Variants in PRDM1 observed in about 807,000 individuals in gnomAD.
The protein encoded by PRDM1 is PR domain zinc finger protein 1.
PRDM1 carries 13 observed loss-of-function variants against 62.8 expected under a neutral mutation model. The ratio of observed to expected loss-of-function variants is 0.21; its 90% CI spans 0.13 to 0.33. The LOEUF (loss-of-function observed/expected upper bound fraction) is 0.33. PRDM1 is among the 10% of genes least tolerant of loss of function. PRDM1 has a pLI of 1.00. For missense variants in PRDM1, 895 were observed against 1,058.8 expected, an observed-to-expected ratio of 0.85 and a Z score of 2.15; for synonymous variants, 396 against 417.6, an observed-to-expected ratio of 0.95 and a Z score of 0.63.
At chr6:106,099,060 G>C (rs751009580) in intron 3 of PRDM1, 1 of 1,613,798 alleles carries the variant, frequency 6.2e-7, no homozygotes, top group African/African-American at 1.3e-5. Context: ...TTATTTTCCC[G>C]AACATGAAAA....
At chr6:106,012,948 G>A (rs572289251) in intron 1 of PRDM1, among the ~76,000 whole-genome samples, 1 of 152,334 alleles carries the variant, frequency 6.6e-6, no homozygotes, top group South Asian at 2.1e-4. Flanking sequence ...GTCTCATTCT[G>A]TCGCCCAGGC....
At chr6:106,025,258 T>A (rs1031717531) in intron 1 of PRDM1, among the ~76,000 whole-genome samples, 13 of 152,336 alleles carry the variant, frequency 8.5e-5, no homozygotes, top group African/African-American at 3.1e-4. Flanking sequence ...AAAATTGTTC[T>A]TGTGTAATTT....
At chr6:106,005,183 C>T (rs1772469094) in intron 1 of PRDM1, among the ~76,000 whole-genome samples, 2 of 152,180 alleles carry the variant, frequency 1.3e-5, no homozygotes, top group South Asian at 4.1e-4. Context: ...TGATGGAAGG[C>T]TGAAGAATGT....
chr6:105,999,697 A>G (rs189959738), intron 1 of PRDM1, among the ~76,000 whole-genome samples: 121 of 152,316 alleles, frequency 7.9e-4, no homozygotes, highest in African/African-American at 2.8e-3. Context: ...CAACAAGCTC[A>G]TGTAACCTTT....
intron 3 of PRDM1, 165 bp from the exon 4 acceptor site, chr6:106,099,135 T>G (rs201024755): frequency 1.2e-6 from 2 of 1,610,442 alleles, no homozygotes; most frequent in Non-Finnish European, 1.7e-6. Flanking sequence ...CCGCCCTGAT[T>G]TCTGCTGATT....
upstream of PRDM1, among the ~76,000 whole-genome samples, chr6:106,083,257 T>TGG (rs577536059): frequency 1.2e-5 from 1 of 80,224 alleles, no homozygotes; most frequent in African/African-American, 5.0e-5. Context: ...AAGAAGAGGG[T>TGG]GGGGGGGTTA....
intron 1 of PRDM1, among the ~76,000 whole-genome samples, chr6:106,081,042 C>T (rs1773686204): frequency 6.6e-6 from 1 of 152,322 alleles, no homozygotes; most frequent in South Asian, 2.1e-4. Flanking sequence ...CCAGCTTTTC[C>T]TTAGTCAACA....
intron 1 of PRDM1, among the ~76,000 whole-genome samples, chr6:106,039,792 A>G (rs1162872419): frequency 6.6e-6 from 1 of 152,232 alleles, no homozygotes; most frequent in Non-Finnish European, 1.5e-5. Context: ...ATCTATTGTC[A>G]TATAATATTA....
rs5878868 is a variant in PRDM1 at position 106,108,521 on chromosome 6, C to CTTTTTTTT, written c.*1049_*1056dup. 52 of 145,692 alleles carry CTTTTTTTT rather than the reference C, an allele frequency of 3.6e-4. 1 individual carries two copies. The highest frequency in any genetic ancestry group is 7.6e-4 in the African/African-American group (18 of 23,796). 9.0% of individuals were successfully genotyped at this position (145,692 alleles called of 1,614,324 possible). A position where few individuals can be genotyped will look rare whatever the true frequency, so the allele number is the denominator to read the frequency against. ...GGTGTTTTGTTGTTGGTTTTTGTTG[C>CTTTTTTTT]TTTTTTTTTTTTTTTTTTTTTAATG... On this transcript the variant is annotated 3_prime_UTR_variant, in exon 7 of 7. Coordinates refer to ENST00000369096, the MANE Select transcript of PRDM1 (RefSeq NM_001198.4).
At chr6:106,042,654 C>G (rs1773020283) in intron 1 of PRDM1, among the ~76,000 whole-genome samples, 1 of 152,150 alleles carries the variant, frequency 6.6e-6, no homozygotes, top group Admixed American at 6.5e-5. Context: ...AAAACCTGGT[C>G]TTCTGGAGAC....
chr6:106,055,568 T>C (rs1773250697), intron 1 of PRDM1, among the ~76,000 whole-genome samples: 2 of 152,196 alleles, frequency 1.3e-5, no homozygotes, highest in Non-Finnish European at 2.9e-5. Flanking sequence ...GCCTGCAGAT[T>C]AGATTATCAG....
chr6:106,060,566 A>G (rs1773330676), intron 1 of PRDM1, among the ~76,000 whole-genome samples: 1 of 152,162 alleles, frequency 6.6e-6, no homozygotes, highest in African/African-American at 2.4e-5. Flanking sequence ...ACAAGGAAGG[A>G]TGGATCATAG....
chr6:106,009,703 G>T (rs949853986), intron 1 of PRDM1, among the ~76,000 whole-genome samples: 5 of 152,104 alleles, frequency 3.3e-5, no homozygotes, highest in Non-Finnish European at 5.9e-5. Flanking sequence ...TGAGTGTGAT[G>T]TGATTATCTT....
intron 1 of PRDM1, among the ~76,000 whole-genome samples, chr6:106,022,349 T>G (rs983505447): frequency 1.5e-4 from 23 of 152,048 alleles, no homozygotes; most frequent in African/African-American, 5.3e-4. Flanking sequence ...CTCCAATTCC[T>G]GGGCTTAGGT....
chr6:106,063,117 C>T (rs1245324749), intron 1 of PRDM1, among the ~76,000 whole-genome samples: 1 of 152,124 alleles, frequency 6.6e-6, no homozygotes, highest in Non-Finnish European at 1.5e-5. Flanking sequence ...CTTCAGGTCA[C>T]GCGAAGGTCA....
chr6:106,061,358 G>A (rs1390985892), intron 1 of PRDM1, among the ~76,000 whole-genome samples: 2 of 145,152 alleles, frequency 1.4e-5, no homozygotes, highest in Admixed American at 1.4e-4. Flanking sequence ...GTGCCTTCCA[G>A]CAGTTCAGCA....
intron 4 of PRDM1, among the ~76,000 whole-genome samples, chr6:106,104,205 G>GTTTTTTTTTTTTTTTTTT (rs11317538): frequency 7.1e-6 from 1 of 141,844 alleles, no homozygotes; most frequent in Non-Finnish European, 1.5e-5. Context: ...TAAAATGGAA[G>GTTTTTTTTTTTTTTTTTT]TTTTTTTTTT....
At chr6:106,024,500 A>C (rs570488732) in intron 1 of PRDM1, among the ~76,000 whole-genome samples, 1 of 152,350 alleles carries the variant, frequency 6.6e-6, no homozygotes, top group South Asian at 2.1e-4. Flanking sequence ...CTTGTCTCAG[A>C]CATCTCTTCT....
At chr6:106,054,582 A>T (rs561144664) in intron 1 of PRDM1, among the ~76,000 whole-genome samples, 7 of 152,216 alleles carry the variant, frequency 4.6e-5, no homozygotes, top group Non-Finnish European at 8.8e-5. Flanking sequence ...TTTGTGCTTT[A>T]CAAATGAATT....
Sources: allele counts gnomAD v4.1 joint callset (sites outside exome capture counted in the v4.1 genomes callset), GRCh38; gene constraint gnomAD v4.1.1; transcripts MANE v1.5; gene names NCBI Gene and HGNC (gene_info 2026-07-23, HGNC 2026-07-21).